The following DCAF7 variants were observed in gnomAD, a reference collection of about 807,000 sequenced individuals.
The protein encoded by DCAF7 is DDB1- and CUL4-associated factor 7.
In DCAF7, 4 loss-of-function variants were observed where a neutral mutation model predicts 41.2. The observed-to-expected ratio is 0.10, with a 90% CI of 0.05 to 0.22. The LOEUF is 0.22. DCAF7 is among the 10% of genes least tolerant of loss of function. DCAF7 has a pLI of 1.00. For missense variants in DCAF7, 131 were observed against 443.2 expected, an observed-to-expected ratio of 0.30 and a Z score of 6.32; for synonymous variants, 143 against 164.2, an observed-to-expected ratio of 0.87 and a Z score of 0.99.
At chr17:63,558,781 G>A (rs1179360009) in intron 1 of DCAF7, among the ~76,000 whole-genome samples, 2 of 152,076 alleles carry the variant, frequency 1.3e-5, no homozygotes, top group Admixed American at 1.3e-4. Flanking sequence ...TTTTAATAAT[G>A]GTTTTTTAGA....
intron 4 of DCAF7, among the ~76,000 whole-genome samples, chr17:63,580,437 G>A (rs1465359073): frequency 6.7e-6 from 1 of 149,590 alleles, no homozygotes; most frequent in East Asian, 2.0e-4. Flanking sequence ...GGAGGCAATG[G>A]AATATATTTT....
At chr17:63,561,522 C>A (rs1412076655) in intron 1 of DCAF7, among the ~76,000 whole-genome samples, 1 of 152,094 alleles carries the variant, frequency 6.6e-6, no homozygotes, top group Non-Finnish European at 1.5e-5. Context: ...AGTTTGAGAT[C>A]AGCCTGGGCA....
chr17:63,579,520 C>T, intron 3 of DCAF7, 72 bp downstream of exon 3: 1 of 1,120,846 alleles, frequency 8.9e-7, no homozygotes, highest in Non-Finnish European at 1.3e-6. Context: ...TCACACTGGG[C>T]CATACATCCT....
chr17:63,592,942 G>C lies in DCAF7; in HGVS notation c.*3770G>C, dbSNP rs889521930. 1 of 153,024 alleles carries C rather than the reference G, an allele frequency of 6.5e-6. No individual in the cohort carries two copies. Among genetic ancestry groups the C allele is most frequent in the East Asian group, 1.9e-4 (1 of 5,212 alleles). The allele number at this position is 153,024 out of a possible 1,614,324, so 9.5% of individuals were successfully genotyped here. On this transcript the variant is annotated 3_prime_UTR_variant, in exon 7 of 7. Transcript: ENST00000614556. The stretch of plus-strand genomic sequence containing the variant: ...TTTCTCTTCCCCTTGCTTTTCCACT[G>C]TTTCTTCCTGCTGCCACCTGGGCCT...
chr17:63,588,256 C>T (rs1418389771), intron 6 of DCAF7, among the ~76,000 whole-genome samples: 1 of 143,340 alleles, frequency 7.0e-6, no homozygotes, highest in Non-Finnish European at 1.5e-5. Flanking sequence ...GGTATGATCT[C>T]GGCTCACTGC....
At chr17:63,588,539 A>C (rs1185183271) in intron 6 of DCAF7, among the ~76,000 whole-genome samples, 1 of 152,016 alleles carries the variant, frequency 6.6e-6, no homozygotes, top group East Asian at 1.9e-4. Flanking sequence ...CTACTTTATC[A>C]GTCTTCTATA....
chr17:63,588,518 A>G (rs1233854805), intron 6 of DCAF7, among the ~76,000 whole-genome samples: 2 of 148,714 alleles, frequency 1.3e-5, no homozygotes, highest in African/African-American at 5.2e-5. Flanking sequence ...TTTTAACAGC[A>G]CATATCAGCA....
chr17:63,559,060 C>T (rs2033340311), intron 1 of DCAF7, among the ~76,000 whole-genome samples: 1 of 151,690 alleles, frequency 6.6e-6, no homozygotes, highest in Non-Finnish European at 1.5e-5. Context: ...GCCTGTAATT[C>T]CAGCACTTTG....
At chr17:63,555,634 A>G (rs944587233) in intron 1 of DCAF7, among the ~76,000 whole-genome samples, 1 of 152,110 alleles carries the variant, frequency 6.6e-6, no homozygotes, top group African/African-American at 2.4e-5. Context: ...CTTTTGATAG[A>G]TATTTAGAAT....
At chr17:63,555,415 A>G (rs1598024542) in intron 1 of DCAF7, among the ~76,000 whole-genome samples, 1 of 152,174 alleles carries the variant, frequency 6.6e-6, no homozygotes, top group Admixed American at 6.5e-5. Flanking sequence ...TACTCACCTC[A>G]CCAGCCTGTG....
chr17:63,571,767 T>G (rs1403026234), intron 1 of DCAF7, among the ~76,000 whole-genome samples: 4 of 152,042 alleles, frequency 2.6e-5, no homozygotes, highest in Non-Finnish European at 5.9e-5. Flanking sequence ...TTAGGTACTA[T>G]TTTTCAGAGA....
intron 6 of DCAF7, among the ~76,000 whole-genome samples, chr17:63,586,441 C>T (rs1260933068): frequency 2.0e-5 from 3 of 151,290 alleles, no homozygotes; most frequent in Admixed American, 6.6e-5. Flanking sequence ...GGCAACCAAG[C>T]AAGACCCTGC....
At chr17:63,559,510 G>T (rs1323063256) in intron 1 of DCAF7, among the ~76,000 whole-genome samples, 3 of 146,294 alleles carry the variant, frequency 2.1e-5, no homozygotes, top group Non-Finnish European at 4.5e-5. Context: ...TCTACCTTAA[G>T]CTTTGTACCA....
chr17:63,557,469 A>G (rs931023447), intron 1 of DCAF7, among the ~76,000 whole-genome samples: 1 of 151,964 alleles, frequency 6.6e-6, no homozygotes, highest in African/African-American at 2.4e-5. Flanking sequence ...AGATCATGTC[A>G]CTGTACTCCA....
intron 1 of DCAF7, among the ~76,000 whole-genome samples, chr17:63,574,138 G>GT (rs2033536653): frequency 8.5e-5 from 13 of 152,278 alleles, no homozygotes; most frequent in Non-Finnish European, 1.5e-5. Context: ...TGCCACCTTT[G>GT]TATGTGTGAC....
At chr17:63,580,513 T>G (rs2033610529) in intron 4 of DCAF7, among the ~76,000 whole-genome samples, 1 of 135,494 alleles carries the variant, frequency 7.4e-6, no homozygotes, top group African/African-American at 2.9e-5. Flanking sequence ...ATTGCTTTTT[T>G]TTTTTTTTTT....
chr17:63,569,302 G>T (rs2033479002), intron 1 of DCAF7, among the ~76,000 whole-genome samples: 1 of 151,702 alleles, frequency 6.6e-6, no homozygotes, highest in Non-Finnish European at 1.5e-5. Context: ...GTCCTCTAGG[G>T]TGTCCCCATT....
chr17:63,585,630 T>C (rs1343534694), intron 6 of DCAF7, among the ~76,000 whole-genome samples: 1 of 152,178 alleles, frequency 6.6e-6, no homozygotes, highest in Non-Finnish European at 1.5e-5. Flanking sequence ...TCCAGGAATA[T>C]GGGGAAAGGG....
Position 63,594,224 on chromosome 17 carries a change from T to C in DCAF7, c.*5052T>C, listed in dbSNP as rs2033762137. On this transcript the variant is annotated 3_prime_UTR_variant, in exon 7 of 7. Transcript: ENST00000614556. ...TCAGCCTCCTGTATAAGAAGTACCG[T>C]ATTTTCTGCCCATCATACTTTGTAA... is the stretch of plus-strand genomic sequence containing the variant. The C allele has an allele frequency of 1.3e-5, 2 of 152,644 alleles. No individual in the cohort carries two copies. The highest frequency in any genetic ancestry group is 4.1e-4 in the South Asian group (2 of 4,832). 9.5% of individuals were successfully genotyped at this position (152,644 alleles called of 1,614,324 possible). A position where few individuals can be genotyped will look rare whatever the true frequency, so the allele number is the denominator to read the frequency against.
Sources: gnomAD v4.1 joint callset for allele counts (sites outside exome capture counted in the v4.1 genomes callset) on GRCh38, gnomAD v4.1.1 for gene constraint, MANE v1.5 for transcripts, NCBI Gene and HGNC (gene_info 2026-07-23, HGNC 2026-07-21) for gene names.